The following PCDHGA11 variants were observed in gnomAD, a reference collection of about 807,000 sequenced individuals.
PCDHGA11 encodes the protein protocadherin gamma-A11.
PCDHGA11 carries 39 observed loss-of-function variants against 60.4 expected under a neutral mutation model. The observed-to-expected ratio is 0.65, with a 90% CI of 0.50 to 0.84. The LOEUF is 0.84. Ranked by LOEUF, PCDHGA11 falls within the 40% of genes least tolerant of loss-of-function variation. The pLI, the probability that PCDHGA11 is intolerant of heterozygous loss-of-function variation, is 0.00. For synonymous variants in PCDHGA11, 533 were observed against 510.3 expected, an observed-to-expected ratio of 1.04 and a Z score of -0.60; for missense variants, 1,165 against 1,197.7, an observed-to-expected ratio of 0.97 and a Z score of 0.40.
chr5:141,476,038 G>A lies in PCDHGA11; in HGVS notation c.2434-18769G>A, dbSNP rs1426234941. 1.3e-6 allele frequency: 2 copies of A among 1,484,842 alleles called. No homozygotes were observed. Among genetic ancestry groups the A allele is most frequent in the Non-Finnish European group, 1.8e-6 (2 of 1,118,086 alleles). 92.0% of individuals were successfully genotyped at this position (1,484,842 alleles called of 1,614,324 possible). The stretch of plus-strand genomic sequence containing the variant: ...GTCGGACTCGGCGCCCAGCGCCCAA[G>A]CGCTAACCCGCTGAAAGTTTCTCAG... On this transcript the variant is annotated intron_variant, in intron 1 of 3. Coordinates refer to ENST00000398587, the MANE Select transcript of PCDHGA11 (RefSeq NM_018914.3). The surrounding 1 kb of genome is among the most constrained non-coding windows in gnomAD (Gnocchi z 7.6).
At chr5:141,455,874 T>C (rs2098834969) in intron 1 of PCDHGA11, among the ~76,000 whole-genome samples, 1 of 146,458 alleles carries the variant, frequency 6.8e-6, no homozygotes, top group South Asian at 2.1e-4. Flanking sequence ...TTTATTTATT[T>C]ATTTATTTAT....
chr5:141,489,238 G>A lies in PCDHGA11; in HGVS notation c.2434-5569G>A. On this transcript the variant is annotated intron_variant, in intron 1 of 3. Coordinates refer to ENST00000398587, the MANE Select transcript of PCDHGA11 (RefSeq NM_018914.3). The surrounding 1 kb of genome is among the most constrained non-coding windows in gnomAD (Gnocchi z 4.5). ...TTACTCTCCACAAAGGGACTTCTGG[G>A]TCATGGGGCCCAAGACACTCCCACA... 6.5e-7 allele frequency: 1 copy of A among 1,534,146 alleles called. No homozygotes were observed.
In PCDHGA11 at chr5:141,435,189, G is replaced by A. The variant is rs569176993; in HGVS notation, c.2433+11529G>A. Among the ~76,000 whole-genome samples the A allele has an allele frequency of 5.3e-5, 8 of 152,166 alleles. No homozygotes were observed. The South Asian group carries it at 8.3e-4, about 16-fold the overall frequency. On this transcript the variant is annotated intron_variant, in intron 1 of 3. Coordinates refer to ENST00000398587, the MANE Select transcript of PCDHGA11 (RefSeq NM_018914.3). ...GTGGCTTTTAACTACACTTGAGATGGCTAGCAAATTCATAAAGTGAATTTA... is the reference window on the plus strand; with the variant it reads ...GTGGCTTTTAACTACACTTGAGATGACTAGCAAATTCATAAAGTGAATTTA...
At chr5:141,437,150 A>T (rs572721302) in intron 1 of PCDHGA11, among the ~76,000 whole-genome samples, 1 of 152,328 alleles carries the variant, frequency 6.6e-6, no homozygotes, top group East Asian at 1.9e-4. Flanking sequence ...CATAATTAAC[A>T]TATGTGTTGA....
chr5:141,493,694 G>A lies in PCDHGA11; in HGVS notation c.2434-1113G>A, dbSNP rs929897875. On this transcript the variant is annotated intron_variant, in intron 1 of 3. Transcript: ENST00000398587. This position sits in a 1 kb window ranked among gnomAD's most constrained non-coding sequence, Gnocchi z 4.3. ...CCCCAGAATGGTGCTGGTGACTCCC[G>A]ATACACCTGGAATGCTAGGTTTCTG... Among the ~76,000 whole-genome samples the A allele has an allele frequency of 5.9e-5, 9 of 152,130 alleles. No individual in the cohort carries two copies. Among genetic ancestry groups the A allele is most frequent in the African/African-American group, 9.7e-5 (4 of 41,404 alleles).
At chr5:141,461,408 CAT>C (rs1491314585) in intron 1 of PCDHGA11, among the ~76,000 whole-genome samples, 2 of 151,994 alleles carry the variant, frequency 1.3e-5, no homozygotes, top group South Asian at 2.1e-4. Flanking sequence ...AGCATTTTTT[CAT>C]ATGTTTGTGG....
intron 1 of PCDHGA11, chr5:141,428,390 C>T (rs1043799152): frequency 8.0e-5 from 40 of 502,004 alleles, no homozygotes; most frequent in African/African-American, 6.6e-4. Context: ...TCTTCCAGCC[C>T]CTCTGCCTGG....
chr5:141,500,186 T>A (rs1008615587), intron 2 of PCDHGA11, among the ~76,000 whole-genome samples: 7 of 99,362 alleles, frequency 7.0e-5, no homozygotes, highest in African/African-American at 3.5e-4. Flanking sequence ...ATTTTTATTT[T>A]TATTTATTTA....
chr5:141,423,474 T>C lies in PCDHGA11; in HGVS notation c.2247T>C (p.Ala749=). Residue 749 remains alanine (A), a synonymous_variant, in exon 1 of 4, where the codon GCT becomes GCC. Coordinates refer to ENST00000398587, the MANE Select transcript of PCDHGA11 (RefSeq NM_018914.3). ...SHFVGVDGVQ[A]FLQTYSHEVS... is the part of the protein sequence containing the mutation. Reference sequence around the variant, plus strand: ...TTGTAGGCGTGGACGGGGTACAGGCTTTCCTGCAAACCTATTCCCACGAGG... The same window carrying C: ...TTGTAGGCGTGGACGGGGTACAGGCCTTCCTGCAAACCTATTCCCACGAGG... 1 of 1,614,004 alleles carries C rather than the reference T, an allele frequency of 6.2e-7. No individual in the cohort carries two copies. Among genetic ancestry groups the C allele is most frequent in the Non-Finnish European group, 8.5e-7 (1 of 1,179,952 alleles).
intron 2 of PCDHGA11, among the ~76,000 whole-genome samples, chr5:141,499,445 C>A (rs904360147): frequency 1.3e-5 from 2 of 152,062 alleles, no homozygotes; most frequent in African/African-American, 4.8e-5. Flanking sequence ...AAAGGAAAAC[C>A]ACCCATCATT....
chr5:141,468,348 A>C (rs962230735), intron 1 of PCDHGA11: 2 of 150,318 alleles, frequency 1.3e-5, no homozygotes, highest in African/African-American at 4.9e-5. Context: ...AAAAAAAAAA[A>C]AGAAAGAAAA....
At position 141,421,541 on chromosome 5, in the gene PCDHGA11, T is replaced by A. The variant is rs1235004908; in HGVS notation, c.314T>A (p.Leu105Ter). 5.6e-6 allele frequency: 9 copies of A among 1,613,912 alleles called. No individual in the cohort carries two copies. Among genetic ancestry groups the A allele is most frequent in the African/African-American group, 1.3e-5 (1 of 74,946 alleles). ...TGTGAGACGGTGTCCTCCTGTTTTT[T>A]AAATATGGAACTTCTCGTGGAAGAC... ...ELCETVSSCF[L>*]NMELLVEDTL... is the part of the protein sequence containing the mutation. The change falls in exon 1 of 4, where the codon TTA becomes TAA. Residue 105 changes from leucine to a stop codon, truncating the protein, a stop_gained. Transcript: ENST00000398587. LOFTEE classifies it high-confidence loss of function.
Position 141,511,348 on chromosome 5 carries a change from C to T in PCDHGA11, c.*175C>T. Reference sequence around the variant, plus strand: ...TGCCCAGTCAGCACCTACCCCTTCCCCCCCAGGGGGTTGAATATGCAAAAG... The same window carrying T: ...TGCCCAGTCAGCACCTACCCCTTCCTCCCCAGGGGGTTGAATATGCAAAAG... On this transcript the variant is annotated 3_prime_UTR_variant, in exon 4 of 4. Transcript: ENST00000398587. The T allele has an allele frequency of 7.1e-7, 1 of 1,404,104 alleles. No homozygotes were observed. The highest frequency in any genetic ancestry group is 9.5e-7 in the Non-Finnish European group (1 of 1,056,554). 87.0% of individuals were successfully genotyped at this position (1,404,104 alleles called of 1,614,324 possible). A position where few individuals can be genotyped will look rare whatever the true frequency, so the allele number is the denominator to read the frequency against.
At chr5:141,463,796 G>T (rs139760353) in intron 1 of PCDHGA11, among the ~76,000 whole-genome samples, 3 of 152,114 alleles carry the variant, frequency 2.0e-5, no homozygotes, top group Non-Finnish European at 2.9e-5. Flanking sequence ...TTGAACAAAT[G>T]TCTAAAAGCT....
intron 1 of PCDHGA11, among the ~76,000 whole-genome samples, chr5:141,467,707 G>A (rs1203906639): frequency 6.6e-6 from 1 of 152,140 alleles, no homozygotes; most frequent in Non-Finnish European, 1.5e-5. Flanking sequence ...TGTTGCCCAG[G>A]CTGGAGTGTA....
At chr5:141,495,279 G>T (rs72790069) in intron 2 of PCDHGA11, among the ~76,000 whole-genome samples, 4 of 152,146 alleles carry the variant, frequency 2.6e-5, no homozygotes, top group Non-Finnish European at 5.9e-5. Context: ...CGGAGGAGGC[G>T]GTCCGCACTC....
intron 1 of PCDHGA11, among the ~76,000 whole-genome samples, chr5:141,444,402 C>T (rs916833331): frequency 6.6e-6 from 1 of 151,932 alleles, no homozygotes; most frequent in African/African-American, 2.4e-5. Flanking sequence ...AACTCCCAAC[C>T]TCAGGTGATC....
rs1421246315 is a variant in PCDHGA11 at position 141,491,880 on chromosome 5, G to A, written c.2434-2927G>A. The A allele has an allele frequency of 1.1e-5, 16 of 1,449,714 alleles. No homozygotes were observed. The highest frequency in any genetic ancestry group is 1.5e-5 in the Non-Finnish European group (16 of 1,096,892). 89.8% of individuals were successfully genotyped at this position (1,449,714 alleles called of 1,614,324 possible). A position where few individuals can be genotyped will look rare whatever the true frequency, so the allele number is the denominator to read the frequency against. ...GCGAAACCAGAGTGGCCGATTAAGGGATGGGGCTCCGAGCACCGGGGGTGG... is the reference window on the plus strand; with the variant it reads ...GCGAAACCAGAGTGGCCGATTAAGGAATGGGGCTCCGAGCACCGGGGGTGG... On this transcript the variant is annotated intron_variant, in intron 1 of 3. Coordinates refer to ENST00000398587, the MANE Select transcript of PCDHGA11 (RefSeq NM_018914.3). The surrounding 1 kb of genome is among the most constrained non-coding windows in gnomAD (Gnocchi z 6.9).
chr5:141,433,358 CCTATCTAT>C lies in PCDHGA11; in HGVS notation c.2433+9739_2433+9746del, dbSNP rs3074541. On this transcript the variant is annotated intron_variant, in intron 1 of 3. Transcript: ENST00000398587. ...ACAGGTGCAAGCCACCTACTGTCTG[CCTATCTAT>C]CTATCTATCTATCTATCTATCTATC... is the stretch of plus-strand genomic sequence containing the variant. The C allele has an allele frequency of 7.0e-3, 3,504 of 501,060 alleles. 20 individuals carry two copies. The highest frequency in any genetic ancestry group is 7.9e-3 in the Non-Finnish European group (2,251 of 285,142). The allele number at this position is 501,060 out of a possible 1,614,324, so 31.0% of individuals were successfully genotyped here.
Sources: gnomAD v4.1 joint callset for allele counts (sites outside exome capture counted in the v4.1 genomes callset) on GRCh38, gnomAD v4.1.1 for gene constraint, Gnocchi (gnomAD v3.1) non-coding constraint, MANE v1.5 for transcripts, NCBI Gene and HGNC (gene_info 2026-07-23, HGNC 2026-07-21) for gene names.